GPD2: variants seen among roughly 807,000 people sequenced by gnomAD.
The protein encoded by GPD2 is glycerol-3-phosphate dehydrogenase 2, also known as glycerol-3-phosphate dehydrogenase, mitochondrial.
A neutral mutation model predicts 82.4 loss-of-function variants in GPD2; 54 were observed. The observed-to-expected ratio is 0.66, with a 90% confidence interval of 0.53 to 0.82. GPD2 has a LOEUF of 0.82. GPD2 is among the 40% of genes least tolerant of loss of function. The pLI, the probability that GPD2 is intolerant of heterozygous loss-of-function variation, is 0.00. For synonymous variants in GPD2, 288 were observed against 306.1 expected (o/e 0.94, Z 0.62); for missense variants, 748 against 896.2 (o/e 0.83, Z 2.11).
Position 156,557,400 on chromosome 2 carries a change from T to C in GPD2, c.983T>C (p.Met328Thr). The C allele has an allele frequency of 6.3e-7, 1 of 1,599,148 alleles. No homozygotes were observed. Among genetic ancestry groups the C allele is most frequent in the East Asian group, 2.2e-5 (1 of 44,790 alleles). Residue 328 changes from methionine to threonine, a missense_variant, in exon 9 of 17, where the codon ATG becomes ACG. Around this residue, in one of 3 missense-constraint regions of GPD2, gnomAD observed 692 missense variants for 809.7 expected, o/e 0.85. Transcript: ENST00000438166. ...VMPGYYSPES[M>T]GLLDPATSDG... ...TCTTTGTATCTCAGCCCAGAGAGCA[T>C]GGGACTTCTTGACCCAGCGACCAGT... is the stretch of plus-strand genomic sequence containing the variant.
intron 9 of GPD2, among the ~76,000 whole-genome samples, chr2:156,562,676 AT>A (rs1172997017): frequency 6.6e-6 from 1 of 152,198 alleles, no homozygotes; most frequent in Non-Finnish European, 1.5e-5. Flanking sequence ...TTTTCTACTA[AT>A]TTTTAAAACA....
intron 2 of GPD2, among the ~76,000 whole-genome samples, chr2:156,488,773 T>A (rs947536665): frequency 2.0e-5 from 3 of 152,212 alleles, no homozygotes; most frequent in Non-Finnish European, 4.4e-5. Flanking sequence ...GTGAGTCTCT[T>A]GACAAAACCT....
At chr2:156,401,192 G>C in the GPD2 span, among the ~76,000 whole-genome samples, 1 of 152,166 alleles carries the variant, frequency 6.6e-6, no homozygotes, top group Non-Finnish European at 1.5e-5. Context: ...TGGCAGGCGA[G>C]AATTCTACCA....
chr2:156,451,781 C>G (rs1302073481), intron 1 of GPD2, among the ~76,000 whole-genome samples: 1 of 151,814 alleles, frequency 6.6e-6, no homozygotes, highest in East Asian at 2.0e-4. Flanking sequence ...GGGTGGCTGC[C>G]GGGCGGAGAC....
At chr2:156,510,218 CTCTT>C (rs367901007) in intron 3 of GPD2, among the ~76,000 whole-genome samples, 30 of 152,170 alleles carry the variant, frequency 2.0e-4, no homozygotes, top group East Asian at 5.8e-4. Flanking sequence ...AGAACTTATT[CTCTT>C]TCTTTCTTTC....
chr2:156,566,122 A>G (rs1687380359), intron 9 of GPD2, among the ~76,000 whole-genome samples: 1 of 152,122 alleles, frequency 6.6e-6, no homozygotes, highest in African/African-American at 2.4e-5. Flanking sequence ...TGATACTTCC[A>G]TATTCTATGT....
At chr2:156,508,801 T>C (rs1684878119) in intron 3 of GPD2, among the ~76,000 whole-genome samples, 1 of 152,204 alleles carries the variant, frequency 6.6e-6, no homozygotes. Context: ...TATAGCTCAC[T>C]GAGATAGTGC....
At chr2:156,440,455 T>TTCTAA (rs1305804868) in intron 1 of GPD2, among the ~76,000 whole-genome samples, 3 of 152,218 alleles carry the variant, frequency 2.0e-5, no homozygotes, top group African/African-American at 7.2e-5. Context: ...GCATCCAGAA[T>TTCTAA]TCTAATTTGT....
chr2:156,436,163 C>G (rs1399170837), upstream of GPD2, among the ~76,000 whole-genome samples: 1 of 152,224 alleles, frequency 6.6e-6, no homozygotes, highest in Non-Finnish European at 1.5e-5. Context: ...CACACCCCCG[C>G]CAACCCCGGC....
At chr2:156,448,743 G>A (rs780515693) in intron 1 of GPD2, among the ~76,000 whole-genome samples, 3 of 152,216 alleles carry the variant, frequency 2.0e-5, no homozygotes, top group Non-Finnish European at 2.9e-5. Flanking sequence ...AAATAAATCT[G>A]GAACTTAGTG....
chr2:156,575,061 C>T (rs1332686770), intron 13 of GPD2, among the ~76,000 whole-genome samples: 1 of 152,022 alleles, frequency 6.6e-6, no homozygotes, highest in Non-Finnish European at 1.5e-5. Flanking sequence ...TATGCCAGTC[C>T]AGAAAAATTA....
intron 1 of GPD2, among the ~76,000 whole-genome samples, chr2:156,438,593 T>A (rs1197900354): frequency 6.6e-6 from 1 of 152,202 alleles, no homozygotes; most frequent in Non-Finnish European, 1.5e-5. Context: ...TCAGTTTTAG[T>A]TTTTGAATGT....
At chr2:156,400,697 A>G in the GPD2 span, among the ~76,000 whole-genome samples, 1 of 152,186 alleles carries the variant, frequency 6.6e-6, no homozygotes, top group African/African-American at 2.4e-5. Flanking sequence ...AAAAATAAAG[A>G]TCTTAATACA....
chr2:156,464,882 G>A (rs1683097895), intron 1 of GPD2, among the ~76,000 whole-genome samples: 1 of 151,040 alleles, frequency 6.6e-6, no homozygotes, highest in Non-Finnish European at 1.5e-5. Flanking sequence ...ATGGAGTCTT[G>A]CTTTGTTGCC....
At chr2:156,477,761 C>T (rs565945240) in intron 2 of GPD2, among the ~76,000 whole-genome samples, 3 of 152,268 alleles carry the variant, frequency 2.0e-5, no homozygotes, top group African/African-American at 7.2e-5. Context: ...TGAAACTCTT[C>T]CTCATCCATT....
intron 1 of GPD2, among the ~76,000 whole-genome samples, chr2:156,437,540 C>T (rs750015580): frequency 6.6e-6 from 1 of 152,176 alleles, no homozygotes; most frequent in Non-Finnish European, 1.5e-5. Flanking sequence ...CCCTCTGTTT[C>T]TCACAGGGGC....
intron 12 of GPD2, 123 bp from the exon 13 acceptor site, chr2:156,571,011 C>A (rs1467088192): frequency 1.3e-6 from 1 of 752,700 alleles, no homozygotes; most frequent in East Asian, 2.6e-5. Flanking sequence ...GCTGGAGGAC[C>A]AGAGAGTATA....
chr2:156,548,273 A>T (rs1038408002), intron 6 of GPD2, among the ~76,000 whole-genome samples: 3 of 152,336 alleles, frequency 2.0e-5, no homozygotes, highest in Admixed American at 6.5e-5. Flanking sequence ...CAACCTTAGG[A>T]TCATGCTGAG....
chr2:156,435,193 A>T (rs1688390304), upstream of GPD2: 1 of 152,200 alleles, frequency 6.6e-6, no homozygotes. Flanking sequence ...TTAAAAAAAT[A>T]CCACTGCTTT....
Sources: allele counts gnomAD v4.1 joint callset (sites outside exome capture counted in the v4.1 genomes callset), GRCh38; gene constraint gnomAD v4.1.1; regional missense constraint gnomAD v4.1.1; transcripts MANE v1.5; gene names NCBI Gene and HGNC (gene_info 2026-07-23, HGNC 2026-07-21).